SETD1B: variants seen among roughly 807,000 people sequenced by gnomAD.
SETD1B encodes the protein SET domain containing 1B, histone lysine methyltransferase, also known as histone-lysine N-methyltransferase SETD1B.
In SETD1B, 7 loss-of-function variants were observed where a neutral mutation model predicts 148.0. The observed-to-expected ratio is 0.05, with a 90% CI of 0.03 to 0.09. The LOEUF is 0.09. Ranked by LOEUF, SETD1B falls within the 10% of genes least tolerant of loss-of-function variation. The pLI, the probability that SETD1B is intolerant of heterozygous loss-of-function variation, is 1.00. For missense variants in SETD1B, 2,155 were observed against 2,729.9 expected (o/e 0.79, Z 4.69); for synonymous variants, 1,361 against 1,186.5 (o/e 1.15, Z -3.02).
At chr12:121,791,088 G>T in the SETD1B span, among the ~76,000 whole-genome samples, 1 of 151,628 alleles carries the variant, frequency 6.6e-6, no homozygotes, top group African/African-American at 2.4e-5. Flanking sequence ...TGCCCAGGCT[G>T]GTCTTGAACT....
chr12:121,815,083 C>T (rs1366918041), intron 7 of SETD1B, among the ~76,000 whole-genome samples, 153 bp downstream of exon 7: 2 of 152,156 alleles, frequency 1.3e-5, no homozygotes, highest in African/African-American at 2.4e-5. Context: ...TTCAAAGTTC[C>T]GCAAACTGTG....
chr12:121,820,232 C>A (rs554633660), intron 11 of SETD1B, among the ~76,000 whole-genome samples: 4 of 152,226 alleles, frequency 2.6e-5, no homozygotes, highest in African/African-American at 9.6e-5. Flanking sequence ...AGTGACAAGT[C>A]GGTGGGGTAG....
chr12:121,817,587 C>G lies in SETD1B; in HGVS notation c.3195C>G (p.Ser1065=). ...CCACCTCACCCTCGTCCTCGGCCTC[C>G]GACAAGGAGGAGGAACAGGAGAGCA... ...SSTTSPSSSA[S]DKEEEQESTE... is the part of the protein sequence containing the mutation. Residue 1065 remains serine (S), a synonymous_variant, in exon 9 of 17, where the codon TCC becomes TCG. Transcript: ENST00000604567. This position sits in a 1 kb window ranked among gnomAD's most constrained non-coding sequence, Gnocchi z 8.1. 1 of 1,551,424 alleles carries G rather than the reference C, an allele frequency of 6.4e-7. No individual in the cohort carries two copies. The highest frequency in any genetic ancestry group is 2.4e-5 in the East Asian group (1 of 40,910).
At chr12:121,811,528 T>A (rs1876034114) in intron 6 of SETD1B, among the ~76,000 whole-genome samples, 1 of 152,090 alleles carries the variant, frequency 6.6e-6, no homozygotes, top group South Asian at 2.1e-4. Flanking sequence ...TGCCTAAACC[T>A]CCAGCCTCAG....
chr12:121,814,248 C>A lies in SETD1B; in HGVS notation c.2033C>A (p.Thr678Asn), dbSNP rs1385430918. 4 of 1,505,708 alleles carry A rather than the reference C, an allele frequency of 2.7e-6. No homozygotes were observed. In the Admixed American group the frequency reaches 6.2e-5, roughly 23 times the overall value. 93.3% of individuals were successfully genotyped at this position (1,505,708 alleles called of 1,614,324 possible). Residue 678 changes from threonine to asparagine, a missense_variant, in exon 7 of 17, where the codon ACC becomes AAC. This residue lies in a region of SETD1B where 295 missense variants were observed against 303.8 expected (regional missense o/e 0.97). Transcript: ENST00000604567. ...AVAAPSVLAP[T>N]LPLPPPPGFP... ...GCAGCCCCTTCTGTGCTAGCCCCAA[C>A]CCTGCCGCTGCCCCCGCCACCTGGC...
chr12:121,792,378 C>G, the SETD1B span, among the ~76,000 whole-genome samples: 2 of 152,344 alleles, frequency 1.3e-5, no homozygotes, highest in Non-Finnish European at 2.9e-5. Flanking sequence ...CTCCCACTGA[C>G]TGTTTCTCCT....
rs1021735643 is a variant in SETD1B at position 121,805,921 on chromosome 12, G to A, written c.360G>A (p.Arg120=). ...ATAACATCCGTGAAAACTTCCTGAG[G>A]GACATGTGCAAGAAGTATGGGGAGG... ...LNDNIRENFL[R]DMCKKYGEVE... is the part of the protein sequence containing the mutation. The change falls in exon 4 of 17, where the codon AGG becomes AGA. Residue 120 remains arginine, a synonymous_variant. Coordinates refer to ENST00000604567, the MANE Select transcript of SETD1B (RefSeq NM_001353345.2). The surrounding 1 kb of genome is among the most constrained non-coding windows in gnomAD (Gnocchi z 4.2). The A allele has an allele frequency of 1.3e-5, 20 of 1,551,462 alleles. No homozygotes were observed. The highest frequency in any genetic ancestry group is 1.4e-5 in the Non-Finnish European group (16 of 1,146,982).
At position 121,805,775 on chromosome 12, in the gene SETD1B, T is replaced by C. The variant is rs1429603170; in HGVS notation, c.274-60T>C. On this transcript the variant is annotated intron_variant, in intron 3 of 16. Transcript: ENST00000604567. This position sits in a 1 kb window ranked among gnomAD's most constrained non-coding sequence, Gnocchi z 4.2. Reference sequence around the variant, plus strand: ...AGTTGCGGGCGGGGCGGGGGGGATGTTGTGTTTTCCCTTAGGTTTAAACGT... The same window carrying C: ...AGTTGCGGGCGGGGCGGGGGGGATGCTGTGTTTTCCCTTAGGTTTAAACGT... The C allele has an allele frequency of 6.8e-7, 1 of 1,478,350 alleles. No individual in the cohort carries two copies. Among genetic ancestry groups the C allele is most frequent in the Non-Finnish European group, 9.1e-7 (1 of 1,099,574 alleles). 91.6% of individuals were successfully genotyped at this position (1,478,350 alleles called of 1,614,324 possible).
At position 121,822,660 on chromosome 12, in the gene SETD1B, C is replaced by T. The variant is rs1304464550; in HGVS notation, c.4081C>T (p.Pro1361Ser). The T allele has an allele frequency of 6.4e-7, 1 of 1,550,520 alleles. No homozygotes were observed. The highest frequency in any genetic ancestry group is 2.4e-5 in the East Asian group (1 of 40,904). The change falls in exon 12 of 17, where the codon CCG (proline) becomes TCG (serine). Residue 1361 changes from proline (P) to serine (S), a missense_variant. Coordinates refer to ENST00000604567, the MANE Select transcript of SETD1B (RefSeq NM_001353345.2). ...PPEPLAEDHP[P>S]HTPGLCGSLA... ...GGAGCCCCTTGCCGAGGACCACCCC[C>T]CGCATACTCCAGGCCTCTGTGGCAG...
In SETD1B at chr12:121,808,186, C is replaced by A; in HGVS notation, c.545-22C>A. ...CCCATCCTGGAACCTCACTGAGTTC[C>A]CCCTTTCCTGCCCATCTACAGGGGA... On this transcript the variant is annotated intron_variant, in intron 4 of 16. Coordinates refer to ENST00000604567, the MANE Select transcript of SETD1B (RefSeq NM_001353345.2). This position sits in a 1 kb window ranked among gnomAD's most constrained non-coding sequence, Gnocchi z 5.3. 6.5e-7 allele frequency: 1 copy of A among 1,535,918 alleles called. No homozygotes were observed. Among genetic ancestry groups the A allele is most frequent in the Non-Finnish European group, 8.8e-7 (1 of 1,133,654 alleles).
At chr12:121,801,357 G>A (rs542324606), upstream of SETD1B, 1 of 152,358 alleles carries the variant, frequency 6.6e-6, no homozygotes, top group South Asian at 2.1e-4. Flanking sequence ...GGGTCGCTGC[G>A]AAGCCCGTCT....
intron 12 of SETD1B, 141 bp from the exon 13 acceptor site, chr12:121,825,059 C>A: frequency 1.3e-6 from 1 of 799,896 alleles, no homozygotes; most frequent in Non-Finnish European, 1.9e-6. Flanking sequence ...AGCGGGCAGC[C>A]ACGTGGAGGT....
the SETD1B span, chr12:121,793,890 C>G: frequency 2.7e-6 from 1 of 366,912 alleles, no homozygotes; most frequent in African/African-American, 2.1e-5. Flanking sequence ...GCTCCCACCC[C>G]CAACCCACCG....
chr12:121,804,423 A>T lies in SETD1B; in HGVS notation c.-15+190A>T, dbSNP rs1361225357. On this transcript the variant is annotated intron_variant, in intron 1 of 16. Coordinates refer to ENST00000604567, the MANE Select transcript of SETD1B (RefSeq NM_001353345.2). This position sits in a 1 kb window ranked among gnomAD's most constrained non-coding sequence, Gnocchi z 4.6. ...CACGCCGGGCGGCCGGGCGGGCACC[A>T]TGGGCCGGAGTCCGCGTCCTCCGGG... Among the ~76,000 whole-genome samples the T allele has an allele frequency of 6.8e-6, 1 of 147,650 alleles. No homozygotes were observed. The highest frequency in any genetic ancestry group is 2.5e-5 in the African/African-American group (1 of 40,490).
At chr12:121,793,767 C>T in the SETD1B span, 1 of 737,708 alleles carries the variant, frequency 1.4e-6, no homozygotes, top group Non-Finnish European at 2.0e-6. Context: ...TCCCGGCCGA[C>T]CTCCCAGCCT....
Position 121,810,718 on chromosome 12 carries a change from G to T in SETD1B, c.1773G>T (p.Gly591=), listed in dbSNP as rs1470042659. 16 of 1,551,154 alleles carry T rather than the reference G, an allele frequency of 1.0e-5. No individual in the cohort carries two copies. Among genetic ancestry groups the T allele is most frequent in the Non-Finnish European group, 1.4e-5 (16 of 1,146,934 alleles). Residue 591 remains glycine (G), a synonymous_variant, in exon 6 of 17, where the codon GGG becomes GGT. Coordinates refer to ENST00000604567, the MANE Select transcript of SETD1B (RefSeq NM_001353345.2). The surrounding 1 kb of genome is among the most constrained non-coding windows in gnomAD (Gnocchi z 7.6). The stretch of plus-strand genomic sequence containing the variant: ...ACGAGGAGCTCGACCTGGGCCTTGG[G>T]CCTCGGCCTCCACCTGAGCCAGGCC... ...DEDEELDLGL[G]PRPPPEPGPP...
At chr12:121,797,364 G>C in the SETD1B span, 2 of 438,770 alleles carry the variant, frequency 4.6e-6, no homozygotes, top group South Asian at 3.2e-5. Flanking sequence ...CAGCGGCCCC[G>C]CCCCGCGTTC....
rs921777370 is a variant in SETD1B, at chr12:121,822,850, G to A, written c.4271G>A (p.Arg1424Gln). ...AGCTTGAGCAGTGGGGGCCTCCCTC[G>A]GACACCTGGCCGGGACTTCAGCTTC... Reference protein sequence around the residue: ...SPSLSSGGLPRTPGRDFSFTP... With the variant: ...SPSLSSGGLPQTPGRDFSFTP... Residue 1424 changes from arginine to glutamine, a missense_variant, in exon 12 of 17, where the codon CGG becomes CAG. By Grantham distance (43) the Arg-to-Gln change is conservative. This residue lies in a region of SETD1B where 862 missense variants were observed against 873.8 expected (regional missense o/e 0.99). Coordinates refer to ENST00000604567, the MANE Select transcript of SETD1B (RefSeq NM_001353345.2). 4 of 1,487,630 alleles carry A rather than the reference G, an allele frequency of 2.7e-6. No individual in the cohort carries two copies. The highest frequency in any genetic ancestry group is 2.8e-5 in the African/African-American group (2 of 71,106). 92.2% of individuals were successfully genotyped at this position (1,487,630 alleles called of 1,614,324 possible). A position where few individuals can be genotyped will look rare whatever the true frequency, so the allele number is the denominator to read the frequency against.
At chr12:121,807,992 C>T (rs1875833258) in intron 4 of SETD1B, among the ~76,000 whole-genome samples, 2 of 152,026 alleles carry the variant, frequency 1.3e-5, no homozygotes, top group South Asian at 4.2e-4. Flanking sequence ...TTCTGGATCT[C>T]AGGATCAGAA....
Sources: allele counts gnomAD v4.1 joint callset (sites outside exome capture counted in the v4.1 genomes callset), GRCh38; gene constraint gnomAD v4.1.1; regional missense constraint gnomAD v4.1.1; non-coding constraint Gnocchi (gnomAD v3.1); transcripts MANE v1.5; gene names NCBI Gene and HGNC (gene_info 2026-07-23, HGNC 2026-07-21).